MYO16: variants seen among roughly 807,000 people sequenced by gnomAD.
MYO16 encodes unconventional myosin-XVI.
MYO16 carries 94 observed loss-of-function variants against 205.3 expected under a neutral mutation model. The observed-to-expected ratio is 0.46, with a 90% CI of 0.39 to 0.54. MYO16 has a LOEUF of 0.54. Among genes scored for constraint, MYO16 ranks in the 20% least tolerant of loss-of-function variants. The pLI, the probability that MYO16 is intolerant of heterozygous loss-of-function variation, is 0.00. For missense variants in MYO16, 2,315 were observed against 2,387.5 expected (o/e 0.97, Z 0.63); for synonymous variants, 988 against 954.0 (o/e 1.04, Z -0.66).
chr13:109,158,568 C>T (rs1878195953), intron 32 of MYO16, among the ~76,000 whole-genome samples: 1 of 152,162 alleles, frequency 6.6e-6, no homozygotes, highest in African/African-American at 2.4e-5. Context: ...CCTTTGTAGT[C>T]TCATCCAGTG....
the MYO16 span, among the ~76,000 whole-genome samples, chr13:108,565,319 A>G: frequency 2.0e-5 from 3 of 152,192 alleles, no homozygotes; most frequent in Non-Finnish European, 2.9e-5. Context: ...TGAACATGGA[A>G]TATCTTTTAA....
intron 32 of MYO16, among the ~76,000 whole-genome samples, chr13:109,159,255 A>T (rs920732483): frequency 6.6e-6 from 1 of 152,194 alleles, no homozygotes; most frequent in African/African-American, 2.4e-5. Context: ...TATAATTTTA[A>T]ATAAGTAAAG....
intron 20 of MYO16, among the ~76,000 whole-genome samples, chr13:108,992,038 A>C (rs1424190506): frequency 6.6e-6 from 1 of 152,190 alleles, no homozygotes; most frequent in Non-Finnish European, 1.5e-5. Context: ...TCAACAGAGT[A>C]AATAGACAAC....
chr13:108,548,911 C>G, the MYO16 span, among the ~76,000 whole-genome samples: 5 of 151,978 alleles, frequency 3.3e-5, no homozygotes, highest in African/African-American at 4.8e-5. Context: ...TTAATGAGTT[C>G]TTTTTCTCCA....
chr13:109,140,163 C>T lies in MYO16; in HGVS notation c.4052-101C>T, dbSNP rs1042555277. The T allele has an allele frequency of 1.2e-5, 18 of 1,511,004 alleles. No individual in the cohort carries two copies. The highest frequency in any genetic ancestry group is 2.6e-5 in the South Asian group (2 of 78,364). The allele number at this position is 1,511,004 out of a possible 1,614,324, so 93.6% of individuals were successfully genotyped here. ...TGCAGGCCCGGTCCCTTGGGATTCTCGGGGCACGGGGCCGTGGCTCCCTCC... is the reference window on the plus strand; with the variant it reads ...TGCAGGCCCGGTCCCTTGGGATTCTTGGGGCACGGGGCCGTGGCTCCCTCC... On this transcript the variant is annotated intron_variant, in intron 31 of 34. Transcript: ENST00000457511. This position sits in a 1 kb window ranked among gnomAD's most constrained non-coding sequence, Gnocchi z 8.0.
chr13:108,704,706 A>T (rs1218440809), intron 2 of MYO16, among the ~76,000 whole-genome samples: 2 of 152,106 alleles, frequency 1.3e-5, no homozygotes, highest in African/African-American at 4.8e-5. Flanking sequence ...CAAAGTCCAT[A>T]GTAATAAATG....
At chr13:108,748,750 T>C (rs777913467) in intron 4 of MYO16, among the ~76,000 whole-genome samples, 11 of 152,062 alleles carry the variant, frequency 7.2e-5, no homozygotes, top group Non-Finnish European at 1.5e-4. Flanking sequence ...AAATAAACAG[T>C]CCTGAAACAA....
At chr13:109,083,429 G>T (rs763979969) in intron 27 of MYO16, among the ~76,000 whole-genome samples, 2 of 130,730 alleles carry the variant, frequency 1.5e-5, no homozygotes, top group Admixed American at 8.1e-5. Flanking sequence ...AGCTTCTGCA[G>T]TAGAGACGAT....
chr13:108,858,017 C>T (rs1878273800), intron 11 of MYO16, among the ~76,000 whole-genome samples: 1 of 152,190 alleles, frequency 6.6e-6, no homozygotes, highest in African/African-American at 2.4e-5. Context: ...GAATGCTTTA[C>T]ATTATGGTGT....
chr13:108,873,104 A>G (rs1304128427), intron 12 of MYO16, among the ~76,000 whole-genome samples: 1 of 152,230 alleles, frequency 6.6e-6, no homozygotes. Context: ...TCCTCAGGCC[A>G]CACAACAAAA....
intron 16 of MYO16, among the ~76,000 whole-genome samples, chr13:108,927,453 A>T (rs1023371287): frequency 6.6e-6 from 1 of 152,078 alleles, no homozygotes; most frequent in South Asian, 2.1e-4. Context: ...TGATTCTCAC[A>T]TGCCCTGCTG....
At chr13:109,174,526 T>A (rs1879074174) in intron 33 of MYO16, among the ~76,000 whole-genome samples, 1 of 152,096 alleles carries the variant, frequency 6.6e-6, no homozygotes, top group African/African-American at 2.4e-5. Context: ...AGAAGACAGA[T>A]GTCCAATTTC....
chr13:108,756,799 A>G (rs1008487254), intron 4 of MYO16, among the ~76,000 whole-genome samples: 1 of 152,192 alleles, frequency 6.6e-6, no homozygotes, highest in Non-Finnish European at 1.5e-5. Flanking sequence ...ACAACCAGAA[A>G]CAATGTTTTA....
rs528879760 is a variant in MYO16 at position 108,860,460 on chromosome 13, G to T, written c.1359+4907G>T. Among the ~76,000 whole-genome samples, 56 of 152,270 alleles carry T rather than the reference G, an allele frequency of 3.7e-4. 1 individual carries two copies. Among genetic ancestry groups the T allele is most frequent in the African/African-American group, 1.3e-3 (54 of 41,564 alleles). The stretch of plus-strand genomic sequence containing the variant: ...TGTCTTTGCTATTGTGAATAGTGCT[G>T]CCATGAACATTCGTGTGCATGTATG... On this transcript the variant is annotated intron_variant, in intron 11 of 34. Coordinates refer to ENST00000457511, the MANE Select transcript of MYO16 (RefSeq NM_001198950.3).
intron 16 of MYO16, among the ~76,000 whole-genome samples, chr13:108,947,056 G>A (rs1369952252): frequency 1.3e-5 from 2 of 152,322 alleles, no homozygotes; most frequent in Non-Finnish European, 1.5e-5. Flanking sequence ...GGTCAGGGGT[G>A]GGCCTGGATG....
At chr13:108,711,811 G>C (rs1382446533) in intron 2 of MYO16, among the ~76,000 whole-genome samples, 1 of 152,198 alleles carries the variant, frequency 6.6e-6, no homozygotes, top group African/African-American at 2.4e-5. Flanking sequence ...TTGTCCAGTT[G>C]TGTGTAATAA....
chr13:108,571,987 C>T, the MYO16 span, among the ~76,000 whole-genome samples: 2 of 151,426 alleles, frequency 1.3e-5, no homozygotes, highest in Admixed American at 6.6e-5. Context: ...GAGGTGCAGT[C>T]ACCCTCACTG....
At chr13:109,176,455 A>G (rs915392915) in intron 33 of MYO16, among the ~76,000 whole-genome samples, 2 of 151,470 alleles carry the variant, frequency 1.3e-5, no homozygotes, top group African/African-American at 2.4e-5. Context: ...ATGTTTATAG[A>G]GAGACATGAA....
At chr13:108,573,953 C>T in the MYO16 span, among the ~76,000 whole-genome samples, 18 of 152,222 alleles carry the variant, frequency 1.2e-4, no homozygotes, top group South Asian at 1.5e-3. Flanking sequence ...TGGGCTCAAG[C>T]GATCCTCCCA....
Sources: gnomAD v4.1 joint callset for allele counts (sites outside exome capture counted in the v4.1 genomes callset) on GRCh38, gnomAD v4.1.1 for gene constraint, Gnocchi (gnomAD v3.1) non-coding constraint, MANE v1.5 for transcripts, NCBI Gene and HGNC (gene_info 2026-07-23, HGNC 2026-07-21) for gene names.